Variants in PTPRD observed in about 807,000 individuals in gnomAD.
PTPRD encodes the protein protein tyrosine phosphatase receptor type D.
In PTPRD, 34 loss-of-function variants were observed where a neutral mutation model predicts 214.5. The observed-to-expected ratio is 0.16, with a 90% CI of 0.12 to 0.21. PTPRD has a LOEUF of 0.21. Ranked by LOEUF, PTPRD falls within the 10% of genes least tolerant of loss-of-function variation. The pLI, the probability that PTPRD is intolerant of heterozygous loss-of-function variation, is 1.00. For missense variants in PTPRD, 2,545 were observed against 2,398.7 expected (o/e 1.06, Z -1.27); for synonymous variants, 1,128 against 845.7 (o/e 1.33, Z -5.79).
At chr9:9,629,024 AT>A (rs375498339) in intron 7 of PTPRD, among the ~76,000 whole-genome samples, 3,648 of 151,690 alleles carry the variant, frequency 0.024, 62 homozygotes, top group Middle Eastern at 0.038. Flanking sequence ...ATACAAAAAA[AT>A]TAGCCAGGCA....
chr9:10,294,153 T>C (rs2095607863), intron 3 of PTPRD, among the ~76,000 whole-genome samples: 1 of 151,960 alleles, frequency 6.6e-6, no homozygotes, highest in Admixed American at 6.6e-5. Context: ...TATTGGTTGT[T>C]TCAGTAAACA....
At chr9:9,720,565 G>A (rs941753978) in intron 7 of PTPRD, among the ~76,000 whole-genome samples, 2 of 152,102 alleles carry the variant, frequency 1.3e-5, no homozygotes, top group Non-Finnish European at 2.9e-5. Context: ...GAAGTGATGG[G>A]AATAACCTGC....
intron 2 of PTPRD, among the ~76,000 whole-genome samples, chr9:10,531,765 C>G (rs569930504): frequency 5.9e-5 from 9 of 152,222 alleles, no homozygotes; most frequent in African/African-American, 2.2e-4. Flanking sequence ...ACAAAAATCA[C>G]AAATAAACAA....
chr9:9,368,341 A>C (rs1031335337), intron 9 of PTPRD, among the ~76,000 whole-genome samples: 2 of 151,800 alleles, frequency 1.3e-5, no homozygotes, highest in African/African-American at 4.8e-5. Context: ...TACTAGCATA[A>C]ATCGGGCATA....
intron 34 of PTPRD, among the ~76,000 whole-genome samples, chr9:8,439,200 G>T (rs1427194471): frequency 6.6e-6 from 1 of 152,142 alleles, no homozygotes; most frequent in Non-Finnish European, 1.5e-5. Context: ...AAGAACCCTG[G>T]CTTAGAATAC....
chr9:8,516,721 C>G (rs951514381), intron 21 of PTPRD, among the ~76,000 whole-genome samples: 1 of 150,870 alleles, frequency 6.6e-6, no homozygotes, highest in East Asian at 2.0e-4. Flanking sequence ...CCAAAACATT[C>G]GTAGATTAAT....
In PTPRD at chr9:9,284,375, CATGGTT is replaced by C. The variant is rs1052320182; in HGVS notation, c.-202-101018_-202-101013del. ...TCTGGAGTCATGAATAGACTCCTGC[CATGGTT>C]GTAAGTTTTATTCTTCCTCTTGCTC... On this transcript the variant is annotated intron_variant, in intron 9 of 45. Coordinates refer to ENST00000381196, the MANE Select transcript of PTPRD (RefSeq NM_002839.4). Among the ~76,000 whole-genome samples, 19 of 151,746 alleles carry C rather than the reference CATGGTT, an allele frequency of 1.3e-4. 1 individual carries two copies. Among genetic ancestry groups the C allele is most frequent in the African/African-American group, 4.6e-4 (19 of 41,486 alleles).
chr9:9,765,943 T>C (rs1212566717), intron 6 of PTPRD, among the ~76,000 whole-genome samples: 1 of 152,196 alleles, frequency 6.6e-6, no homozygotes, highest in Non-Finnish European at 1.5e-5. Context: ...ATTACAGGCG[T>C]GAGCCACCGC....
chr9:8,384,685 C>A (rs1201676355), intron 37 of PTPRD, among the ~76,000 whole-genome samples: 4 of 152,126 alleles, frequency 2.6e-5, no homozygotes, highest in Admixed American at 1.3e-4. Flanking sequence ...TGCCATTATA[C>A]CTGGCCAATT....
intron 4 of PTPRD, among the ~76,000 whole-genome samples, chr9:9,980,618 C>CAA (rs1202080056): frequency 7.7e-4 from 18 of 23,272 alleles, no homozygotes; most frequent in East Asian, 2.2e-3. Context: ...CAAAAAAAAA[C>CAA]AAAAAAAAAA....
At chr9:9,176,504 G>T (rs1014159196) in intron 10 of PTPRD, among the ~76,000 whole-genome samples, 1 of 152,068 alleles carries the variant, frequency 6.6e-6, no homozygotes, top group East Asian at 1.9e-4. Flanking sequence ...TTTAAAAATA[G>T]ACCCATGTTA....
chr9:9,697,658 G>A (rs1055053986), intron 7 of PTPRD, among the ~76,000 whole-genome samples: 13 of 151,962 alleles, frequency 8.6e-5, no homozygotes, highest in Admixed American at 5.9e-4. Flanking sequence ...ATATGCCTTG[G>A]GGTAGTTTTA....
chr9:10,333,420 A>G (rs1378801870), intron 3 of PTPRD, among the ~76,000 whole-genome samples: 1 of 151,736 alleles, frequency 6.6e-6, no homozygotes, highest in Non-Finnish European at 1.5e-5. Context: ...TATTTTCTCT[A>G]TTTCCTGCTG....
intron 35 of PTPRD, among the ~76,000 whole-genome samples, chr9:8,411,265 T>C (rs2093491279): frequency 6.6e-6 from 1 of 151,930 alleles, no homozygotes; most frequent in Non-Finnish European, 1.5e-5. Context: ...TAACTAGATT[T>C]TTTACTATAT....
At chr9:9,974,284 CATTT>C (rs2095269030) in intron 4 of PTPRD, among the ~76,000 whole-genome samples, 1 of 152,074 alleles carries the variant, frequency 6.6e-6, no homozygotes, top group African/African-American at 2.4e-5. Context: ...CAGGTAAATA[CATTT>C]ATTTTTCTAT....
intron 8 of PTPRD, among the ~76,000 whole-genome samples, chr9:9,464,515 C>T (rs1001060884): frequency 6.6e-6 from 1 of 152,042 alleles, no homozygotes; most frequent in African/African-American, 2.4e-5. Context: ...AAATTAAGGC[C>T]TTTCTATGAG....
intron 2 of PTPRD, among the ~76,000 whole-genome samples, chr9:10,570,242 C>T (rs1334257812): frequency 6.6e-6 from 1 of 152,092 alleles, no homozygotes; most frequent in Non-Finnish European, 1.5e-5. Flanking sequence ...CCAAGGATAT[C>T]CATCTTGTTT....
chr9:9,372,041 T>C (rs138672633), intron 9 of PTPRD, among the ~76,000 whole-genome samples: 1 of 152,196 alleles, frequency 6.6e-6, no homozygotes, highest in Non-Finnish European at 1.5e-5. Context: ...AACTATGTGA[T>C]CAATTTTGGA....
intron 4 of PTPRD, among the ~76,000 whole-genome samples, chr9:9,985,512 G>T (rs2000299): frequency 0.65 from 99,002 of 151,906 alleles, 32,590 homozygotes; most frequent in Middle Eastern, 0.76. Context: ...GTCAAATATT[G>T]AAACAAATGA....
Sources: allele counts gnomAD v4.1 joint callset (sites outside exome capture counted in the v4.1 genomes callset), GRCh38; gene constraint gnomAD v4.1.1; transcripts MANE v1.5; gene names NCBI Gene and HGNC (gene_info 2026-07-23, HGNC 2026-07-21).